The following CCDC88C variants were observed in gnomAD, a reference collection of about 807,000 sequenced individuals.
CCDC88C encodes coiled-coil and HOOK domain protein 88C, also known as protein Daple.
A neutral mutation model predicts 198.8 loss-of-function variants in CCDC88C; 131 were observed. That is an observed-to-expected ratio of 0.66 (90% confidence interval 0.57 to 0.76). CCDC88C has a LOEUF of 0.76. Among genes scored for constraint, CCDC88C ranks in the 30% least tolerant of loss-of-function variants. The probability of loss-of-function intolerance (pLI) is 0.00; values close to 1 mark genes in which losing one functional copy is unlikely to be tolerated. For synonymous variants in CCDC88C, 1,166 were observed against 1,114.7 expected, an observed-to-expected ratio of 1.05 and a Z score of -0.92; for missense variants, 2,553 against 2,631.6, an observed-to-expected ratio of 0.97 and a Z score of 0.65.
At chr14:91,399,852 A>T (rs1886066856) in intron 3 of CCDC88C, among the ~76,000 whole-genome samples, 1 of 148,642 alleles carries the variant, frequency 6.7e-6, no homozygotes, top group African/African-American at 2.5e-5. Context: ...AAAAAAAAAA[A>T]AAAAGAAGAA....
chr14:91,273,185 G>C lies in CCDC88C; in HGVS notation c.5527C>G (p.His1843Asp). 6.3e-7 allele frequency: 1 copy of C among 1,577,694 alleles called. No homozygotes were observed. Among genetic ancestry groups the C allele is most frequent in the Middle Eastern group, 1.7e-4 (1 of 5,970 alleles). The change falls in exon 30 of 30, where the codon CAC (histidine) becomes GAC (aspartate). Residue 1843 changes from histidine (H) to aspartate (D), a missense_variant. Physicochemically the swap from His to Asp is moderately conservative, Grantham distance 81. Around this residue, in one of 2 missense-constraint regions of CCDC88C, gnomAD observed 1,293 missense variants for 1,219.6 expected, o/e 1.06. Transcript: ENST00000389857. This position sits in a 1 kb window ranked among gnomAD's most constrained non-coding sequence, Gnocchi z 5.6. Reference protein sequence around the residue: ...EALGGRETGSHTLQSPAPPSS... With the variant: ...EALGGRETGSDTLQSPAPPSS... ...GGGGGTGCGGGGCTTTGCAGGGTGTGGCTGCCTGTCTCTCTGCCCCCTAAG... is the reference window on the plus strand; with the variant it reads ...GGGGGTGCGGGGCTTTGCAGGGTGTCGCTGCCTGTCTCTCTGCCCCCTAAG...
chr14:91,338,305 C>T lies in CCDC88C; in HGVS notation c.892-142G>A. 9.3e-7 allele frequency: 1 copy of T among 1,069,852 alleles called. No individual in the cohort carries two copies. The highest frequency in any genetic ancestry group is 2.6e-5 in the East Asian group (1 of 39,194). The allele number at this position is 1,069,852 out of a possible 1,614,324, so 66.3% of individuals were successfully genotyped here. On this transcript the variant is annotated intron_variant, in intron 9 of 29. Coordinates refer to ENST00000389857, the MANE Select transcript of CCDC88C (RefSeq NM_001080414.4). This position sits in a 1 kb window ranked among gnomAD's most constrained non-coding sequence, Gnocchi z 4.8. ...GTGGCCGGGGGCCTCCATGTGCCAC[C>T]ACCACACGGGATCTCCACCTGCTGT...
In CCDC88C at chr14:91,313,884, G is replaced by A. The variant is rs375836053; in HGVS notation, c.1932C>T (p.Asn644=). ...ERELQRLQEE[N]GRLARKVTSL... is the part of the protein sequence containing the mutation. Reference sequence around the variant, plus strand: ...AGGTCACCTTCCTGGCCAGCCTCCCGTTCTCCTCCTGGAGTCGCTGTAGCT... The same window carrying A: ...AGGTCACCTTCCTGGCCAGCCTCCCATTCTCCTCCTGGAGTCGCTGTAGCT... Residue 644 remains asparagine (N), a synonymous_variant, in exon 15 of 30, where the codon AAC becomes AAT. Coordinates refer to ENST00000389857, the MANE Select transcript of CCDC88C (RefSeq NM_001080414.4). This position sits in a 1 kb window ranked among gnomAD's most constrained non-coding sequence, Gnocchi z 5.2. The A allele has an allele frequency of 8.1e-6, 13 of 1,608,492 alleles. No homozygotes were observed. Among genetic ancestry groups the A allele is most frequent in the East Asian group, 2.2e-5 (1 of 44,814 alleles).
At chr14:91,308,529 A>C (rs1227276651) in intron 16 of CCDC88C, 37 bp from the exon 17 acceptor site, 18 of 1,604,730 alleles carry the variant, frequency 1.1e-5, no homozygotes, top group Non-Finnish European at 1.4e-5. Context: ...TCACTTATCT[A>C]CTTCCTCTCC....
rs575837278 is a variant in CCDC88C at position 91,392,069 on chromosome 14, C to G, written c.270+16590G>C. ...CACTCCCTGGCTCCATTTGGCTGTT[C>G]CTGACTCTCTAGTGCCTCTGGGGCC... On this transcript the variant is annotated intron_variant, in intron 3 of 29. Transcript: ENST00000389857. Among the ~76,000 whole-genome samples the G allele has an allele frequency of 2.0e-5, 3 of 152,166 alleles. No individual in the cohort carries two copies. In the East Asian group the frequency reaches 5.8e-4, roughly 29 times the overall value.
At chr14:91,342,567 G>A (rs989422165) in intron 5 of CCDC88C, 104 bp from the exon 6 acceptor site, 11 of 756,394 alleles carry the variant, frequency 1.5e-5, no homozygotes, top group South Asian at 5.9e-5. Context: ...CACCCACCCC[G>A]GGCTTCTCCT....
chr14:91,345,190 A>ATTTTTT (rs58941451), intron 4 of CCDC88C, among the ~76,000 whole-genome samples: 879 of 52,204 alleles, frequency 0.017, 28 homozygotes, highest in Non-Finnish European at 0.021. Flanking sequence ...ATATATATAT[A>ATTTTTT]TTTTTTTTTT....
chr14:91,402,648 C>A (rs1291881919), intron 3 of CCDC88C, among the ~76,000 whole-genome samples: 1 of 152,146 alleles, frequency 6.6e-6, no homozygotes, highest in East Asian at 1.9e-4. Context: ...GAGAGGACAA[C>A]AGGGCTTAGT....
chr14:91,312,799 A>G (rs1891893887), intron 15 of CCDC88C, among the ~76,000 whole-genome samples: 1 of 152,202 alleles, frequency 6.6e-6, no homozygotes, highest in African/African-American at 2.4e-5. Context: ...AAACCACAAC[A>G]GCTCACCTGT....
At chr14:91,335,209 G>C (rs1892998061) in intron 10 of CCDC88C, among the ~76,000 whole-genome samples, 1 of 152,176 alleles carries the variant, frequency 6.6e-6, no homozygotes, top group Non-Finnish European at 1.5e-5. Flanking sequence ...TAGAAAGCAG[G>C]GCTCGTGCAT....
chr14:91,413,987 G>C (rs1189552079), intron 2 of CCDC88C, among the ~76,000 whole-genome samples: 2 of 152,214 alleles, frequency 1.3e-5, no homozygotes, highest in Non-Finnish European at 2.9e-5. Flanking sequence ...GTGACATGTT[G>C]CCATTTGGTA....
chr14:91,316,396 G>A (rs1017690785), intron 13 of CCDC88C, among the ~76,000 whole-genome samples: 8 of 151,710 alleles, frequency 5.3e-5, no homozygotes, highest in African/African-American at 7.3e-5. Context: ...ACGAGTGCCC[G>A]CCTTGCTGAA....
At chr14:91,399,838 CAAAAAAA>C (rs71120133) in intron 3 of CCDC88C, among the ~76,000 whole-genome samples, 1 of 75,162 alleles carries the variant, frequency 1.3e-5, no homozygotes, top group African/African-American at 5.0e-5. Context: ...GACTCCCTCT[CAAAAAAA>C]AAAAAAAAAA....
In CCDC88C at chr14:91,416,862, G is replaced by A. The variant is rs375167142; in HGVS notation, c.61-24C>T. 26 of 1,543,756 alleles carry A rather than the reference G, an allele frequency of 1.7e-5. No individual in the cohort carries two copies. In the African/African-American group the frequency reaches 3.1e-4, roughly 19 times the overall value. On this transcript the variant is annotated intron_variant, in intron 1 of 29. Coordinates refer to ENST00000389857, the MANE Select transcript of CCDC88C (RefSeq NM_001080414.4). ...ACCTGCGGGGAGGGGGACGAGGAGA[G>A]AAAGACAGGAAGTCACCCCGTGCGC...
chr14:91,336,948 C>A (rs902469897), intron 10 of CCDC88C, among the ~76,000 whole-genome samples: 1 of 152,238 alleles, frequency 6.6e-6, no homozygotes, highest in Non-Finnish European at 1.5e-5. Flanking sequence ...CCTAAGAGGC[C>A]TTCTGGCTGG....
At chr14:91,300,740 TG>T (rs1261511090) in intron 20 of CCDC88C, among the ~76,000 whole-genome samples, 2 of 152,184 alleles carry the variant, frequency 1.3e-5, no homozygotes, top group Non-Finnish European at 1.5e-5. Context: ...AATCTATCTT[TG>T]TCGGCTGCAC....
intron 3 of CCDC88C, among the ~76,000 whole-genome samples, chr14:91,367,062 T>C (rs549579867): frequency 6.6e-6 from 1 of 152,320 alleles, no homozygotes; most frequent in African/African-American, 2.4e-5. Flanking sequence ...GAACAATGAT[T>C]TCACGAAGAA....
chr14:91,303,719 T>G lies in CCDC88C; in HGVS notation c.3617A>C (p.His1206Pro). The change falls in exon 20 of 30, where the codon CAC becomes CCC. Residue 1206 changes from histidine to proline, a missense_variant. Physicochemically the swap from His to Pro is moderately conservative, Grantham distance 77 (BLOSUM62 -2). Around this residue, in one of 2 missense-constraint regions of CCDC88C, gnomAD observed 1,293 missense variants for 1,219.6 expected, o/e 1.06. Transcript: ENST00000389857. Reference sequence around the variant, plus strand: ...GCCCTACCTCTCCCCGAGCTCCTTGTGCTCCAGCTCCAGATTCCGATGCAG... The same window carrying G: ...GCCCTACCTCTCCCCGAGCTCCTTGGGCTCCAGCTCCAGATTCCGATGCAG... ...KTLHRNLELE[H>P]KELGERHGDM... 6.3e-7 allele frequency: 1 copy of G among 1,598,126 alleles called. No homozygotes were observed. The highest frequency in any genetic ancestry group is 8.5e-7 in the Non-Finnish European group (1 of 1,170,766).
At chr14:91,390,283 A>T (rs1161912777) in intron 3 of CCDC88C, among the ~76,000 whole-genome samples, 1 of 152,054 alleles carries the variant, frequency 6.6e-6, no homozygotes, top group Non-Finnish European at 1.5e-5. Context: ...AGATTTAAGC[A>T]CGGCGTCTGG....
Sources: gnomAD v4.1 joint callset for allele counts (sites outside exome capture counted in the v4.1 genomes callset) on GRCh38, gnomAD v4.1.1 for gene constraint, gnomAD v4.1.1 regional missense constraint, Gnocchi (gnomAD v3.1) non-coding constraint, MANE v1.5 for transcripts, NCBI Gene and HGNC (gene_info 2026-07-23, HGNC 2026-07-21) for gene names.